Variants in ATP13A4 observed in about 807,000 individuals in gnomAD.
The protein encoded by ATP13A4 is probable cation-transporting ATPase 13A4.
A neutral mutation model predicts 142.5 loss-of-function variants in ATP13A4; 114 were observed. The observed-to-expected ratio is 0.80, with a 90% CI of 0.69 to 0.93. ATP13A4 has a LOEUF of 0.93. Ranked by LOEUF, ATP13A4 falls within the 40% of genes least tolerant of loss-of-function variation. The pLI is 0.00. For missense variants in ATP13A4, 1,392 were observed against 1,454.0 expected, an observed-to-expected ratio of 0.96 and a Z score of 0.69; for synonymous variants, 488 against 514.8, an observed-to-expected ratio of 0.95 and a Z score of 0.70.
intron 7 of ATP13A4, 96 bp from the exon 8 acceptor site, chr3:193,484,101 C>CT: frequency 9.6e-7 from 1 of 1,040,754 alleles, no homozygotes; most frequent in Non-Finnish European, 1.5e-6. Flanking sequence ...AGAGCACTGT[C>CT]TTACTGCCAG....
intron 2 of ATP13A4, among the ~76,000 whole-genome samples, chr3:193,565,109 G>A (rs905146430): frequency 1.4e-4 from 21 of 152,028 alleles, no homozygotes; most frequent in Non-Finnish European, 7.3e-5. Context: ...TAGAAATACC[G>A]TGCACAATAA....
At chr3:193,560,720 C>T (rs1433812734) in intron 2 of ATP13A4, among the ~76,000 whole-genome samples, 1 of 152,182 alleles carries the variant, frequency 6.6e-6, no homozygotes, top group Admixed American at 6.5e-5. Flanking sequence ...ATTGGGCCCA[C>T]CCACTGGGGT....
intron 9 of ATP13A4, among the ~76,000 whole-genome samples, chr3:193,468,780 C>T (rs780160127): frequency 8.1e-4 from 123 of 152,142 alleles, no homozygotes; most frequent in Non-Finnish European, 1.4e-3. Flanking sequence ...TAAGAAGCTA[C>T]AAAACTTGAG....
At chr3:193,459,048 G>T in intron 14 of ATP13A4, 33 bp downstream of exon 14, 1 of 1,613,150 alleles carries the variant, frequency 6.2e-7, no homozygotes, top group Non-Finnish European at 8.5e-7. Context: ...CATTGAAGAA[G>T]CTTCTCAGAT....
chr3:193,578,578 G>C lies in ATP13A4; in HGVS notation n.291+3129C>G, dbSNP rs1019104913. Among the ~76,000 whole-genome samples, 17 of 152,118 alleles carry C rather than the reference G, an allele frequency of 1.1e-4. 1 individual carries two copies. The highest frequency in any genetic ancestry group is 3.6e-4 in the African/African-American group (15 of 41,438). On this transcript the variant is annotated intron_variant and non_coding_transcript_variant, in intron 2 of 3. Coordinates refer to the ATP13A4 transcript ENST00000489140. Reference sequence around the variant, plus strand: ...GCATCACTTCTGGGTATATCCATGAGGATGTTTCTGAAAGAGACGGGTTTT... The same window carrying C: ...GCATCACTTCTGGGTATATCCATGACGATGTTTCTGAAAGAGACGGGTTTT...
chr3:193,560,929 T>A (rs1000175350), intron 2 of ATP13A4, among the ~76,000 whole-genome samples: 1 of 152,180 alleles, frequency 6.6e-6, no homozygotes, highest in Non-Finnish European at 1.5e-5. Flanking sequence ...GGGCAGGTGA[T>A]ACTTGGAAAT....
At chr3:193,552,673 G>A (rs759954013) in intron 1 of ATP13A4, among the ~76,000 whole-genome samples, 9 of 152,172 alleles carry the variant, frequency 5.9e-5, no homozygotes, top group East Asian at 5.8e-4. Flanking sequence ...AATGTTCTCC[G>A]GAAGAACTGG....
intron 23 of ATP13A4, among the ~76,000 whole-genome samples, 182 bp from the exon 24 acceptor site, chr3:193,435,926 T>A (rs1221853819): frequency 1.3e-5 from 2 of 152,162 alleles, no homozygotes; most frequent in East Asian, 3.9e-4. Context: ...ACAACCCAAT[T>A]TTCAAGAAAG....
intron 1 of ATP13A4, among the ~76,000 whole-genome samples, chr3:193,527,123 A>G (rs1340553672): frequency 2.0e-5 from 3 of 152,148 alleles, no homozygotes; most frequent in Admixed American, 2.0e-4. Context: ...AGTGGCTGGG[A>G]TTTAATCTAA....
intron 3 of ATP13A4, among the ~76,000 whole-genome samples, chr3:193,499,787 C>G (rs1356235716): frequency 2.6e-5 from 4 of 152,106 alleles, no homozygotes; most frequent in African/African-American, 7.2e-5. Context: ...GTTCGAGAAC[C>G]TCTTATCAAG....
At chr3:193,527,633 C>A (rs1265030009) in intron 1 of ATP13A4, among the ~76,000 whole-genome samples, 1 of 151,282 alleles carries the variant, frequency 6.6e-6, no homozygotes, top group Non-Finnish European at 1.5e-5. Flanking sequence ...AAAAGGGCAG[C>A]ACTTCCCCCC....
chr3:193,561,080 G>A (rs941043326), intron 2 of ATP13A4, among the ~76,000 whole-genome samples: 2 of 152,220 alleles, frequency 1.3e-5, no homozygotes, highest in African/African-American at 2.4e-5. Context: ...AAAATCTGGG[G>A]CTCAAGACAG....
chr3:193,491,218 A>G, intron 6 of ATP13A4, 111 bp downstream of exon 6: 1 of 856,196 alleles, frequency 1.2e-6, no homozygotes, highest in Non-Finnish European at 2.0e-6. Context: ...TACTTTCAAA[A>G]TATACTCTAT....
intron 2 of ATP13A4, among the ~76,000 whole-genome samples, chr3:193,574,610 C>A (rs919608423): frequency 1.3e-5 from 2 of 151,992 alleles, no homozygotes; most frequent in Non-Finnish European, 2.9e-5. Flanking sequence ...TAGCTACTTG[C>A]GAGGCTGAGT....
At chr3:193,571,931 A>T (rs901847393) in intron 2 of ATP13A4, among the ~76,000 whole-genome samples, 12 of 152,244 alleles carry the variant, frequency 7.9e-5, no homozygotes, top group African/African-American at 2.9e-4. Context: ...ACTTTAGTTA[A>T]TACTAACACA....
chr3:193,576,304 G>C (rs978252913), intron 2 of ATP13A4, among the ~76,000 whole-genome samples: 2 of 111,042 alleles, frequency 1.8e-5, no homozygotes, highest in Non-Finnish European at 3.3e-5. Flanking sequence ...TCGCTCTGTC[G>C]CCCAGGCCGG....
At position 193,417,838 on chromosome 3, in the gene ATP13A4, AGCG is replaced by A. The variant is rs1384046441; in HGVS notation, c.2843-3091_2843-3089del. Among the ~76,000 whole-genome samples, 106 of 148,750 alleles carry A rather than the reference AGCG, an allele frequency of 7.1e-4. 1 individual carries two copies. Among genetic ancestry groups the A allele is most frequent in the African/African-American group, 2.5e-3 (101 of 40,176 alleles). On this transcript the variant is annotated intron_variant, in intron 25 of 29. Coordinates refer to ENST00000342695, the MANE Select transcript of ATP13A4 (RefSeq NM_032279.4). The stretch of plus-strand genomic sequence containing the variant: ...GTCTCTACTAAAAATACAAAAAATT[AGCG>A]GCCGGGCGCGGTGGCTCACGCCTGT...
intron 2 of ATP13A4, among the ~76,000 whole-genome samples, chr3:193,513,442 G>A (rs1025043723): frequency 2.6e-5 from 4 of 152,188 alleles, no homozygotes; most frequent in Non-Finnish European, 4.4e-5. Context: ...CTCAGTAAAA[G>A]TCAACTAGAA....
chr3:193,502,282 T>C (rs899755402), intron 3 of ATP13A4, among the ~76,000 whole-genome samples: 2 of 152,238 alleles, frequency 1.3e-5, no homozygotes, highest in African/African-American at 4.8e-5. Context: ...ATTTTGTAGA[T>C]GAGAAAACAG....
Sources: allele counts gnomAD v4.1 joint callset (sites outside exome capture counted in the v4.1 genomes callset), GRCh38; gene constraint gnomAD v4.1.1; transcripts MANE v1.5; gene names NCBI Gene and HGNC (gene_info 2026-07-23, HGNC 2026-07-21).